ACBD6: variants seen among roughly 807,000 people sequenced by gnomAD.
ACBD6 encodes the protein acyl-CoA-binding domain-containing protein 6.
Under a neutral mutation model 37.2 loss-of-function variants are expected in ACBD6, and 28 were observed. That is an observed-to-expected ratio of 0.75 (90% CI 0.56 to 1.03). The LOEUF is 1.03. Among genes scored for constraint, ACBD6 ranks in the 50% least tolerant of loss-of-function variants. The pLI is 0.00. For missense variants in ACBD6, 340 were observed against 337.4 expected, an observed-to-expected ratio of 1.01 and a Z score of -0.06; for synonymous variants, 113 against 126.8, an observed-to-expected ratio of 0.89 and a Z score of 0.73.
At chr1:180,482,450 G>A (rs1441828665) in intron 3 of ACBD6, among the ~76,000 whole-genome samples, 6 of 150,862 alleles carry the variant, frequency 4.0e-5, no homozygotes, top group Admixed American at 3.3e-4. Context: ...GAGGTGAAGA[G>A]AAATGAAGTT....
intron 6 of ACBD6, among the ~76,000 whole-genome samples, chr1:180,329,724 A>T (rs763279691): frequency 6.6e-6 from 1 of 152,166 alleles, no homozygotes; most frequent in Non-Finnish European, 1.5e-5. Context: ...ATGACAAGTA[A>T]ATAAAGCCAA....
intron 6 of ACBD6, among the ~76,000 whole-genome samples, chr1:180,357,009 G>A (rs1362940843): frequency 2.0e-5 from 3 of 152,002 alleles, no homozygotes; most frequent in South Asian, 2.1e-4. Flanking sequence ...ACATTATTTG[G>A]AAAGAGACAA....
chr1:180,280,856 A>T (rs1313263864), intron 9 of ACBD6, among the ~76,000 whole-genome samples: 1 of 152,080 alleles, frequency 6.6e-6, no homozygotes, highest in East Asian at 1.9e-4. Context: ...TTGCTCCTAA[A>T]CTTGGTTACT....
At chr1:180,363,999 C>G (rs1220749679) in intron 6 of ACBD6, among the ~76,000 whole-genome samples, 5 of 152,190 alleles carry the variant, frequency 3.3e-5, no homozygotes, top group Admixed American at 3.3e-4. Context: ...GCCATGATAC[C>G]AACAAGAATA....
chr1:180,471,447 A>G (rs1387926983), intron 3 of ACBD6, among the ~76,000 whole-genome samples: 1 of 144,276 alleles, frequency 6.9e-6, no homozygotes, highest in Non-Finnish European at 1.5e-5. Flanking sequence ...AGGAGATATG[A>G]ATTAGTCTGT....
intron 3 of ACBD6, among the ~76,000 whole-genome samples, chr1:180,450,623 G>A (rs1557876047): frequency 6.6e-6 from 1 of 152,112 alleles, no homozygotes; most frequent in Non-Finnish European, 1.5e-5. Context: ...AGCCAGGCGT[G>A]GTGGCAGGCG....
At chr1:180,424,876 G>A (rs755442036) in intron 4 of ACBD6, among the ~76,000 whole-genome samples, 5 of 152,150 alleles carry the variant, frequency 3.3e-5, no homozygotes, top group African/African-American at 7.2e-5. Context: ...TCATGACACT[G>A]AGCACACAGG....
At chr1:180,462,940 A>G (rs1358527236) in intron 3 of ACBD6, among the ~76,000 whole-genome samples, 1 of 152,198 alleles carries the variant, frequency 6.6e-6, no homozygotes, top group African/African-American at 2.4e-5. Flanking sequence ...AAAACCATAC[A>G]ATTACATGGA....
intron 7 of ACBD6, among the ~76,000 whole-genome samples, chr1:180,301,821 T>TTA (rs1650141711): frequency 6.6e-6 from 1 of 152,184 alleles, no homozygotes; most frequent in Non-Finnish European, 1.5e-5. Context: ...CCTGGCACTT[T>TTA]AAGCACAGAC....
intron 6 of ACBD6, among the ~76,000 whole-genome samples, chr1:180,366,043 T>C (rs1024947266): frequency 7.2e-5 from 11 of 152,206 alleles, no homozygotes; most frequent in Admixed American, 7.2e-4. Flanking sequence ...GTTCTTATAA[T>C]GTTACATTTA....
chr1:180,459,259 T>C (rs1650038300), intron 3 of ACBD6, among the ~76,000 whole-genome samples: 1 of 152,202 alleles, frequency 6.6e-6, no homozygotes, highest in Admixed American at 6.5e-5. Context: ...TGGTCAGTAA[T>C]TTAACTCTTT....
At chr1:180,498,466 A>C (rs1651820110) in intron 1 of ACBD6, among the ~76,000 whole-genome samples, 1 of 152,230 alleles carries the variant, frequency 6.6e-6, no homozygotes, top group Non-Finnish European at 1.5e-5. Flanking sequence ...TTTCCTCAAA[A>C]TAGTTAACAT....
rs777966633 is a variant in ACBD6 at position 180,407,443 on chromosome 1, G to A, written c.573+5923C>T. Among the ~76,000 whole-genome samples, 323 of 152,288 alleles carry A rather than the reference G, an allele frequency of 2.1e-3. 1 individual carries two copies. The highest frequency in any genetic ancestry group is 3.9e-3 in the Non-Finnish European group (268 of 68,016). On this transcript the variant is annotated intron_variant, in intron 5 of 7. Coordinates refer to ENST00000367595, the MANE Select transcript of ACBD6 (RefSeq NM_032360.4). ...ACAAAATATGTGTTATTTAGTGTAA[G>A]CTATCTGTGTTCTAGGCACTTATTC...
At chr1:180,476,553 C>A (rs1035176456) in intron 3 of ACBD6, among the ~76,000 whole-genome samples, 1 of 152,150 alleles carries the variant, frequency 6.6e-6, no homozygotes, top group African/African-American at 2.4e-5. Flanking sequence ...CAGCCGGGCA[C>A]AGTGGCTCAC....
chr1:180,469,231 C>T (rs1650465914), intron 3 of ACBD6, among the ~76,000 whole-genome samples: 1 of 152,142 alleles, frequency 6.6e-6, no homozygotes, highest in Non-Finnish European at 1.5e-5. Flanking sequence ...CAAAGTTCAA[C>T]CCATCCCCTA....
At chr1:180,399,160 G>T (rs1467585654) in intron 5 of ACBD6, among the ~76,000 whole-genome samples, 2 of 152,020 alleles carry the variant, frequency 1.3e-5, no homozygotes, top group African/African-American at 4.8e-5. Context: ...CCTAAGAGGG[G>T]GGAAAGCAGA....
rs59690169 is a variant in ACBD6, at chr1:180,502,499, T to TCCTCCGGCTTCCCTCCGGCTTC, written c.-234_-233insGAAGCCGGAGGGAAGCCGGAGG. The TCCTCCGGCTTCCCTCCGGCTTC allele has an allele frequency of 1.8e-6, 1 of 565,640 alleles. No individual in the cohort carries two copies. The highest frequency in any genetic ancestry group is 1.9e-5 in the African/African-American group (1 of 53,278). 35.0% of individuals were successfully genotyped at this position (565,640 alleles called of 1,614,324 possible). ...GCCGCTCTGCCCAGTCGACCCGGTC[T>TCCTCCGGCTTCCCTCCGGCTTC]CCTCCGGCTTCCCTCCGGCCAACAG... is the stretch of plus-strand genomic sequence containing the variant. On this transcript the variant is annotated 5_prime_UTR_variant, in exon 1 of 8. Coordinates refer to ENST00000367595, the MANE Select transcript of ACBD6 (RefSeq NM_032360.4).
intron 7 of ACBD6, among the ~76,000 whole-genome samples, chr1:180,306,649 C>T (rs1189821812): frequency 6.6e-6 from 1 of 152,200 alleles, no homozygotes; most frequent in Non-Finnish European, 1.5e-5. Flanking sequence ...GTAGCTCATT[C>T]TCACTGCTGT....
chr1:180,436,903 C>T (rs1228964084), intron 3 of ACBD6, among the ~76,000 whole-genome samples: 1 of 152,202 alleles, frequency 6.6e-6, no homozygotes, highest in African/African-American at 2.4e-5. Flanking sequence ...TGAAAGCTTT[C>T]CTTCTAAGAT....
Sources: allele counts gnomAD v4.1 joint callset (sites outside exome capture counted in the v4.1 genomes callset), GRCh38; gene constraint gnomAD v4.1.1; transcripts MANE v1.5; gene names NCBI Gene and HGNC (gene_info 2026-07-23, HGNC 2026-07-21).